The following ODR4 variants were observed in gnomAD, a reference collection of about 807,000 sequenced individuals.
The protein encoded by ODR4 is odr-4 GPCR localization factor homolog.
ODR4 carries 47 observed loss-of-function variants against 60.2 expected under a neutral mutation model. The ratio of observed to expected loss-of-function variants is 0.78; its 90% CI spans 0.62 to 1.00. ODR4 has a LOEUF of 1.00. Among genes scored for constraint, ODR4 ranks in the 50% least tolerant of loss-of-function variants. The pLI, the probability that ODR4 is intolerant of heterozygous loss-of-function variation, is 0.00. For missense variants in ODR4, 488 were observed against 530.8 expected, an observed-to-expected ratio of 0.92 and a Z score of 0.79; for synonymous variants, 178 against 175.5, an observed-to-expected ratio of 1.01 and a Z score of -0.11.
At chr1:186,384,658 G>A (rs1660183953) in intron 3 of ODR4, among the ~76,000 whole-genome samples, 1 of 151,216 alleles carries the variant, frequency 6.6e-6, no homozygotes, top group African/African-American at 2.4e-5. Flanking sequence ...CCTCTAGAAA[G>A]AAAAGGTTAA....
chr1:186,422,842 A>G (rs990998969), downstream of ODR4, among the ~76,000 whole-genome samples: 5 of 152,218 alleles, frequency 3.3e-5, no homozygotes, highest in African/African-American at 4.8e-5. Context: ...AAGGGAATAA[A>G]TCAATGAATT....
rs141310146 is a variant in ODR4, at chr1:186,389,488, T to A, written c.438-100T>A. On this transcript the variant is annotated intron_variant, in intron 5 of 13. Transcript: ENST00000287859. ...TAAAGTGTTATGATTTTGTAAGAAC[T>A]TTTGGATGCGTGCATTTTTTAGTTT... 1.1e-3 allele frequency: 946 copies of A among 881,476 alleles called. 11 individuals are homozygous for A. The African/African-American group carries it at 0.015, about 14-fold the overall frequency. 54.6% of individuals were successfully genotyped at this position (881,476 alleles called of 1,614,324 possible).
chr1:186,388,363 A>C, intron 4 of ODR4, 79 bp from the exon 5 acceptor site: 2 of 709,670 alleles, frequency 2.8e-6, no homozygotes, highest in Non-Finnish European at 4.6e-6. Context: ...AGAGTTGGGG[A>C]CATTATAATT....
intron 1 of ODR4, among the ~76,000 whole-genome samples, chr1:186,378,055 A>C (rs2737157): frequency 0.11 from 16,482 of 151,904 alleles, 1,191 homozygotes; most frequent in Middle Eastern, 0.29. Context: ...AAAAAACAAA[A>C]AAAAAAAAGA....
At chr1:186,384,333 C>T (rs1161894590) in intron 3 of ODR4, among the ~76,000 whole-genome samples, 10 of 151,604 alleles carry the variant, frequency 6.6e-5, no homozygotes, top group African/African-American at 1.2e-4. Context: ...ACAAATATAG[C>T]GAGAACTCAT....
chr1:186,423,845 T>C (rs1179708350), downstream of ODR4, among the ~76,000 whole-genome samples: 1 of 152,116 alleles, frequency 6.6e-6, no homozygotes, highest in Non-Finnish European at 1.5e-5. Context: ...TGAAAAGAAG[T>C]TTTACCTTGT....
chr1:186,382,990 A>C (rs1558060011), intron 2 of ODR4, 32 bp from the exon 3 acceptor site: 2 of 1,560,398 alleles, frequency 1.3e-6, no homozygotes, highest in Non-Finnish European at 1.7e-6. Flanking sequence ...ATCAGATATC[A>C]CTCTAACAAG....
intron 13 of ODR4, among the ~76,000 whole-genome samples, chr1:186,418,530 C>A (rs555986729): frequency 1.3e-5 from 2 of 152,184 alleles, no homozygotes; most frequent in East Asian, 1.9e-4. Flanking sequence ...ATAAAAGTTA[C>A]AACTTAGATG....
At chr1:186,401,083 T>G in intron 11 of ODR4, 1 of 1,597,462 alleles carries the variant, frequency 6.3e-7, no homozygotes, top group South Asian at 1.1e-5. Flanking sequence ...AAGATTTACC[T>G]TAGCAGACAC....
At chr1:186,427,629 G>A in the ODR4 span, among the ~76,000 whole-genome samples, 1 of 152,214 alleles carries the variant, frequency 6.6e-6, no homozygotes, top group African/African-American at 2.4e-5. Context: ...CTGCTTCCAT[G>A]AGTCACAAAT....
chr1:186,388,762 T>C (rs1490641717), intron 5 of ODR4, among the ~76,000 whole-genome samples: 3 of 152,192 alleles, frequency 2.0e-5, no homozygotes, highest in African/African-American at 7.2e-5. Flanking sequence ...TTGAGATCTG[T>C]AATATGAAAG....
intron 13 of ODR4, among the ~76,000 whole-genome samples, chr1:186,418,734 TTTG>T (rs1389860449): frequency 1.3e-5 from 2 of 152,242 alleles, no homozygotes; most frequent in South Asian, 4.2e-4. Flanking sequence ...CTTTAAAGTG[TTTG>T]TTATTTTTTC....
intron 13 of ODR4, among the ~76,000 whole-genome samples, chr1:186,418,740 A>T (rs1022902424): frequency 3.9e-5 from 6 of 152,058 alleles, no homozygotes; most frequent in Non-Finnish European, 8.8e-5. Flanking sequence ...AGTGTTTGTT[A>T]TTTTTTCTCT....
In ODR4 at chr1:186,395,303, C is replaced by T. The variant is rs555384573; in HGVS notation, c.780+1288C>T. ...TAGAGACGGGTTTCACTGTGTTAGC[C>T]AGGGTGGTCTCAATCTCCTGACCAT... On this transcript the variant is annotated intron_variant, in intron 9 of 13. Coordinates refer to ENST00000287859, the MANE Select transcript of ODR4 (RefSeq NM_017847.6). Among the ~76,000 whole-genome samples, 4 of 152,200 alleles carry T rather than the reference C, an allele frequency of 2.6e-5. No homozygotes were observed. The East Asian group carries it at 5.8e-4, about 22-fold the overall frequency.
chr1:186,387,114 G>T (rs897497870), intron 4 of ODR4, among the ~76,000 whole-genome samples: 7 of 152,018 alleles, frequency 4.6e-5, no homozygotes, highest in African/African-American at 1.4e-4. Context: ...CATTTTTTAG[G>T]TAAAAAATAT....
At chr1:186,384,758 T>G (rs992417161) in intron 3 of ODR4, among the ~76,000 whole-genome samples, 5 of 152,160 alleles carry the variant, frequency 3.3e-5, no homozygotes, top group Non-Finnish European at 7.4e-5. Context: ...ATATGCAGGC[T>G]CCTTATGCTA....
chr1:186,397,586 C>A (rs1050566832), intron 9 of ODR4, among the ~76,000 whole-genome samples: 2 of 152,098 alleles, frequency 1.3e-5, no homozygotes, highest in Admixed American at 1.3e-4. Context: ...AATCTAAAAT[C>A]TTATATGCTC....
In ODR4 at chr1:186,417,447, G is replaced by T. The variant is rs552267085; in HGVS notation, c.1187-97G>T. The stretch of plus-strand genomic sequence containing the variant: ...ATAAAAAACAAGTAGAAAGAAAATG[G>T]TGATGATCGTATAGTTTTTTATAAT... On this transcript the variant is annotated intron_variant, in intron 12 of 13. Coordinates refer to ENST00000287859, the MANE Select transcript of ODR4 (RefSeq NM_017847.6). 2.8e-5 allele frequency: 20 copies of T among 703,972 alleles called. No individual in the cohort carries two copies. In the African/African-American group the frequency reaches 3.1e-4, roughly 11 times the overall value. 43.6% of individuals were successfully genotyped at this position (703,972 alleles called of 1,614,324 possible).
At chr1:186,391,846 A>T in intron 8 of ODR4, 55 bp downstream of exon 8, 1 of 1,079,478 alleles carries the variant, frequency 9.3e-7, no homozygotes, top group Non-Finnish European at 1.4e-6. Context: ...GAAAAATAAA[A>T]CATGACTTAT....
Sources: allele counts gnomAD v4.1 joint callset (sites outside exome capture counted in the v4.1 genomes callset), GRCh38; gene constraint gnomAD v4.1.1; transcripts MANE v1.5; gene names NCBI Gene and HGNC (gene_info 2026-07-23, HGNC 2026-07-21).